Variants in TNNI3K observed in about 807,000 individuals in gnomAD.
The protein encoded by TNNI3K is TNNI3 interacting kinase.
In TNNI3K, 140 loss-of-function variants were observed where a neutral mutation model predicts 114.5. The ratio of observed to expected loss-of-function variants is 1.22; its 90% confidence interval spans 1.07 to 1.41. The LOEUF (loss-of-function observed/expected upper bound fraction) is 1.41. Ranked by LOEUF, TNNI3K falls within the 40% of genes most tolerant of loss-of-function variation. The pLI, the probability that TNNI3K is intolerant of heterozygous loss-of-function variation, is 0.00. For missense variants in TNNI3K, 1,125 were observed against 1,007.6 expected, an observed-to-expected ratio of 1.12 and a Z score of -1.58; for synonymous variants, 347 against 347.5, an observed-to-expected ratio of 1.00 and a Z score of 0.02.
chr1:74,276,592 T>C lies in TNNI3K; in HGVS notation c.444+4884T>C, dbSNP rs188960384. Among the ~76,000 whole-genome samples the C allele has an allele frequency of 4.8e-3, 732 of 152,216 alleles. 4 individuals carry two copies. Among genetic ancestry groups the C allele is most frequent in the Admixed American group, 0.012 (189 of 15,280 alleles). Reference sequence around the variant, plus strand: ...AGGTGCTTATTCCACTCCTATTTTTTATTATCATGGTTAGCAGAAATAGCA... The same window carrying C: ...AGGTGCTTATTCCACTCCTATTTTTCATTATCATGGTTAGCAGAAATAGCA... On this transcript the variant is annotated intron_variant, in intron 5 of 24. Coordinates refer to ENST00000326637, the MANE Select transcript of TNNI3K (RefSeq NM_015978.3).
At chr1:74,422,438 A>G (rs1665445313) in intron 17 of TNNI3K, among the ~76,000 whole-genome samples, 1 of 152,118 alleles carries the variant, frequency 6.6e-6, no homozygotes, top group Non-Finnish European at 1.5e-5. Flanking sequence ...AAAATCTCAC[A>G]TTGCTAAAGA....
intron 17 of TNNI3K, among the ~76,000 whole-genome samples, chr1:74,409,437 A>G (rs1664774790): frequency 6.6e-6 from 1 of 151,120 alleles, no homozygotes; most frequent in Non-Finnish European, 1.5e-5. Flanking sequence ...TCCATGCATA[A>G]TACTTTGAAC....
intron 4 of TNNI3K, among the ~76,000 whole-genome samples, chr1:74,260,099 C>T (rs946269599): frequency 6.6e-6 from 1 of 152,006 alleles, no homozygotes; most frequent in African/African-American, 2.4e-5. Flanking sequence ...TATTTAAAAC[C>T]AAGATAAACT....
chr1:74,492,094 C>T lies in TNNI3K; in HGVS notation c.2182-3C>T, dbSNP rs1669108160. 4 of 1,552,800 alleles carry T rather than the reference C, an allele frequency of 2.6e-6. No individual in the cohort carries two copies. Among genetic ancestry groups the T allele is most frequent in the Non-Finnish European group, 2.6e-6 (3 of 1,139,692 alleles). On this transcript the variant is annotated splice_polypyrimidine_tract_variant and splice_region_variant and intron_variant, in intron 22 of 24. Transcript: ENST00000326637. ...CAATTGAAATTGCCCCTCCTCCACTCAGCTGATGTCTCCTGCATCAAGTAA... is the reference window on the plus strand; with the variant it reads ...CAATTGAAATTGCCCCTCCTCCACTTAGCTGATGTCTCCTGCATCAAGTAA...
At chr1:74,459,563 G>A (rs1214706087) in intron 20 of TNNI3K, among the ~76,000 whole-genome samples, 1 of 151,986 alleles carries the variant, frequency 6.6e-6, no homozygotes, top group Non-Finnish European at 1.5e-5. Context: ...AAAAAACTAG[G>A]CATTCACATA....
intron 21 of TNNI3K, among the ~76,000 whole-genome samples, chr1:74,478,276 G>C (rs889853520): frequency 1.3e-5 from 2 of 152,076 alleles, no homozygotes; most frequent in Non-Finnish European, 2.9e-5. Flanking sequence ...AGATATATTA[G>C]TATGATAATT....
intron 20 of TNNI3K, 78 bp from the exon 21 acceptor site, chr1:74,463,363 T>TG: frequency 6.7e-7 from 1 of 1,503,064 alleles, no homozygotes. Flanking sequence ...TTAATGCCTT[T>TG]TTGTGTGTGT....
intron 21 of TNNI3K, among the ~76,000 whole-genome samples, chr1:74,477,335 A>G (rs939153643): frequency 3.3e-5 from 5 of 152,082 alleles, no homozygotes; most frequent in African/African-American, 1.2e-4. Flanking sequence ...CCAGGGATTA[A>G]ATAATATATG....
intron 5 of TNNI3K, among the ~76,000 whole-genome samples, chr1:74,274,811 C>T (rs1452591595): frequency 6.6e-6 from 1 of 152,132 alleles, no homozygotes; most frequent in Admixed American, 6.6e-5. Flanking sequence ...GCCTAGCTGA[C>T]ATTAAATGTG....
At chr1:74,270,130 T>G (rs542929057) in intron 4 of TNNI3K, among the ~76,000 whole-genome samples, 1 of 151,882 alleles carries the variant, frequency 6.6e-6, no homozygotes, top group South Asian at 2.1e-4. Context: ...CACCTGGTAA[T>G]ACGATGAAAA....
intron 21 of TNNI3K, among the ~76,000 whole-genome samples, chr1:74,488,583 T>A (rs1334893953): frequency 6.6e-6 from 1 of 152,206 alleles, no homozygotes; most frequent in Non-Finnish European, 1.5e-5. Context: ...CCCTTGCAAC[T>A]GGAACAAAGC....
intron 5 of TNNI3K, among the ~76,000 whole-genome samples, chr1:74,283,275 C>T (rs1214170821): frequency 6.6e-6 from 1 of 152,110 alleles, no homozygotes; most frequent in Non-Finnish European, 1.5e-5. Flanking sequence ...TTACAGAATA[C>T]TCCTTATTAA....
chr1:74,326,232 T>C (rs1042660671), intron 5 of TNNI3K, among the ~76,000 whole-genome samples: 1 of 152,206 alleles, frequency 6.6e-6, no homozygotes, highest in African/African-American at 2.4e-5. Context: ...TCAACTGAGA[T>C]TGATTGCCAT....
At chr1:74,277,533 T>G (rs945077527) in intron 5 of TNNI3K, among the ~76,000 whole-genome samples, 1 of 152,188 alleles carries the variant, frequency 6.6e-6, no homozygotes, top group Admixed American at 6.5e-5. Context: ...ATTCACTATA[T>G]GGGCATAACC....
chr1:74,275,471 T>C (rs1466212854), intron 5 of TNNI3K, among the ~76,000 whole-genome samples: 2 of 152,188 alleles, frequency 1.3e-5, no homozygotes, highest in East Asian at 3.9e-4. Flanking sequence ...CAATTCAAGA[T>C]GATATTTGGG....
intron 23 of TNNI3K, among the ~76,000 whole-genome samples, chr1:74,534,671 T>C (rs530213737): frequency 2.0e-5 from 3 of 152,334 alleles, no homozygotes; most frequent in Admixed American, 6.5e-5. Flanking sequence ...TTAAATTACA[T>C]AGAGTTTTAG....
Position 74,408,504 on chromosome 1 carries a change from T to C in TNNI3K, c.1773-27576T>C, listed in dbSNP as rs143025738. 2.6e-5 allele frequency among the ~76,000 whole-genome samples: 4 copies of C among 152,354 alleles called. No homozygotes were observed. In the East Asian group the frequency reaches 7.7e-4, roughly 29 times the overall value. On this transcript the variant is annotated intron_variant, in intron 17 of 24. Transcript: ENST00000326637. ...TAAACAATGTGGTTCCTGCACTCAG[T>C]TCTCTCTTTCTTGTTTTTGTCAGGC...
At position 74,288,626 on chromosome 1, in the gene TNNI3K, C is replaced by T. The variant is rs182595231; in HGVS notation, c.444+16918C>T. On this transcript the variant is annotated intron_variant, in intron 5 of 24. Transcript: ENST00000326637. ...TTGCCGGGGGCTGGATGTGAAGAAA[C>T]AGGGATGCGTTGGTCAAAGGATACG... Among the ~76,000 whole-genome samples the T allele has an allele frequency of 6.9e-4, 105 of 152,018 alleles. 1 individual carries two copies. Among genetic ancestry groups the T allele is most frequent in the African/African-American group, 2.4e-3 (100 of 41,508 alleles).
At chr1:74,314,210 A>G (rs1367101612) in intron 5 of TNNI3K, among the ~76,000 whole-genome samples, 1 of 150,304 alleles carries the variant, frequency 6.7e-6, no homozygotes, top group Non-Finnish European at 1.5e-5. Context: ...GGCCTGCTAT[A>G]TTTTTTCATC....
Sources: gnomAD v4.1 joint callset for allele counts (sites outside exome capture counted in the v4.1 genomes callset) on GRCh38, gnomAD v4.1.1 for gene constraint, MANE v1.5 for transcripts, NCBI Gene and HGNC (gene_info 2026-07-23, HGNC 2026-07-21) for gene names.